The following CRTAC1 variants were observed in gnomAD, a reference collection of about 807,000 sequenced individuals.
CRTAC1 encodes cartilage acidic protein 1.
A neutral mutation model predicts 67.8 loss-of-function variants in CRTAC1; 37 were observed. The observed-to-expected ratio is 0.55, with a 90% confidence interval of 0.42 to 0.72. CRTAC1 has a LOEUF of 0.72. Among genes scored for constraint, CRTAC1 ranks in the 30% least tolerant of loss-of-function variants. The pLI is 0.00. For synonymous variants in CRTAC1, 348 were observed against 371.0 expected (o/e 0.94, Z 0.71); for missense variants, 780 against 931.6 (o/e 0.84, Z 2.12).
chr10:97,884,324 A>G lies in CRTAC1; in HGVS notation c.1514T>C (p.Val505Ala). The G allele has an allele frequency of 6.4e-7, 1 of 1,551,850 alleles. No homozygotes were observed. The highest frequency in any genetic ancestry group is 8.7e-7 in the Non-Finnish European group (1 of 1,147,406). Residue 505 changes from valine to alanine, a missense_variant, in exon 12 of 15, where the codon GTG (valine) becomes GCG (alanine). Coordinates refer to ENST00000370597, the MANE Select transcript of CRTAC1 (RefSeq NM_018058.7). The stretch of plus-strand genomic sequence containing the variant: ...CACCATCTTGCCATCTGGCCACGTC[A>G]CCTCCACACTGCTGGCTTCATCCTT... ...LGKDEASSVE[V>A]TWPDGKMVSR...
At chr10:97,966,999 C>T (rs56672440) in intron 2 of CRTAC1, among the ~76,000 whole-genome samples, 6 of 130,826 alleles carry the variant, frequency 4.6e-5, no homozygotes, top group African/African-American at 1.3e-4. Context: ...AGTCACCCCC[C>T]CCCCCCCGAC....
At chr10:97,929,936 G>A (rs1305558172) in intron 3 of CRTAC1, among the ~76,000 whole-genome samples, 1 of 152,182 alleles carries the variant, frequency 6.6e-6, no homozygotes, top group Non-Finnish European at 1.5e-5. Flanking sequence ...ACTCATTCAG[G>A]CAAAGGACAT....
At chr10:97,928,453 A>C (rs1296097194) in intron 3 of CRTAC1, among the ~76,000 whole-genome samples, 1 of 152,246 alleles carries the variant, frequency 6.6e-6, no homozygotes, top group Non-Finnish European at 1.5e-5. Context: ...CGTCTATAGC[A>C]CTTGCCAGGT....
chr10:97,930,546 C>T (rs866897780), intron 3 of CRTAC1, among the ~76,000 whole-genome samples: 8 of 152,210 alleles, frequency 5.3e-5, no homozygotes, highest in Middle Eastern at 3.2e-3. Flanking sequence ...TGGGGCCTAA[C>T]AGTCTGCATT....
At chr10:98,021,541 C>T (rs777118160) in intron 1 of CRTAC1, among the ~76,000 whole-genome samples, 1 of 152,112 alleles carries the variant, frequency 6.6e-6, no homozygotes, top group Non-Finnish European at 1.5e-5. Context: ...CTCAGACTTC[C>T]CGTTCTGTAA....
intron 3 of CRTAC1, among the ~76,000 whole-genome samples, chr10:97,932,799 T>C (rs2051021970): frequency 1.3e-5 from 2 of 151,780 alleles, no homozygotes; most frequent in Admixed American, 1.3e-4. Context: ...CTAGTGGGAG[T>C]TGAGCTTAAG....
chr10:97,995,858 C>T (rs1842554405), intron 2 of CRTAC1, among the ~76,000 whole-genome samples: 1 of 152,112 alleles, frequency 6.6e-6, no homozygotes, highest in South Asian at 2.1e-4. Flanking sequence ...TACAAATCCT[C>T]TCTGGTAAAA....
rs1040751376 is a variant in CRTAC1, at chr10:98,029,527, G to GGCA, written c.24+919_24+921dup. ...CGGCGGCGGCGGCGGCGGCGGCGGCGGCAGCAGCAGCAATATTCATTAGTC... is the reference window on the plus strand; with the variant it reads ...CGGCGGCGGCGGCGGCGGCGGCGGCGGCAGCAGCAGCAGCAATATTCATTAGTC... On this transcript the variant is annotated intron_variant, in intron 1 of 14. Transcript: ENST00000370597. The surrounding 1 kb of genome is among the most constrained non-coding windows in gnomAD (Gnocchi z 4.7). Among the ~76,000 whole-genome samples, 4 of 131,154 alleles carry GGCA rather than the reference G, an allele frequency of 3.0e-5. No individual in the cohort carries two copies. The highest frequency in any genetic ancestry group is 2.1e-4 in the South Asian group (1 of 4,692). The allele number at this position is 131,154 out of a possible 152,430, so 86.0% of individuals were successfully genotyped here.
Position 98,029,187 on chromosome 10 carries a change from G to A in CRTAC1, c.24+1262C>T, listed in dbSNP as rs1465182269. 6.6e-6 allele frequency among the ~76,000 whole-genome samples: 1 copy of A among 152,142 alleles called. No homozygotes were observed. Among genetic ancestry groups the A allele is most frequent in the Non-Finnish European group, 1.5e-5 (1 of 68,028 alleles). The stretch of plus-strand genomic sequence containing the variant: ...CCCATGGCTGAGGGTGAGGTACTCT[G>A]TGACTCTCAATGAGCTCTAATTCAG... On this transcript the variant is annotated intron_variant, in intron 1 of 14. Transcript: ENST00000370597. This position sits in a 1 kb window ranked among gnomAD's most constrained non-coding sequence, Gnocchi z 4.7.
At chr10:97,915,550 C>A (rs990934897) in intron 5 of CRTAC1, among the ~76,000 whole-genome samples, 4 of 152,138 alleles carry the variant, frequency 2.6e-5, no homozygotes, top group Non-Finnish European at 5.9e-5. Flanking sequence ...GAGCGCTGGC[C>A]ACGCGCCCAA....
intron 2 of CRTAC1, among the ~76,000 whole-genome samples, chr10:97,957,646 C>T (rs541295370): frequency 2.6e-5 from 4 of 152,244 alleles, no homozygotes; most frequent in African/African-American, 9.6e-5. Context: ...TTTCTTCTTG[C>T]CTTTCAGCTG....
At chr10:97,992,494 C>T (rs1260369721) in intron 2 of CRTAC1, among the ~76,000 whole-genome samples, 2 of 152,160 alleles carry the variant, frequency 1.3e-5, no homozygotes, top group Non-Finnish European at 2.9e-5. Context: ...ATCTGCACTC[C>T]CATGTTCATT....
chr10:97,994,400 C>A (rs1015121629), intron 2 of CRTAC1, among the ~76,000 whole-genome samples: 1 of 152,118 alleles, frequency 6.6e-6, no homozygotes, highest in African/African-American at 2.4e-5. Flanking sequence ...TACAAATGGG[C>A]TTCTCTTGTC....
At chr10:97,971,677 T>C (rs1036832562) in intron 2 of CRTAC1, among the ~76,000 whole-genome samples, 3 of 152,236 alleles carry the variant, frequency 2.0e-5, no homozygotes, top group African/African-American at 7.2e-5. Flanking sequence ...ATGCATAGTT[T>C]ACCACAATTT....
At chr10:97,974,220 G>A (rs1179110124) in intron 2 of CRTAC1, among the ~76,000 whole-genome samples, 2 of 152,296 alleles carry the variant, frequency 1.3e-5, no homozygotes, top group African/African-American at 2.4e-5. Flanking sequence ...AAGAGAAGAC[G>A]GGTGGGAGAC....
chr10:97,948,306 T>C (rs372933002), intron 2 of CRTAC1, among the ~76,000 whole-genome samples: 1 of 152,166 alleles, frequency 6.6e-6, no homozygotes, highest in Non-Finnish European at 1.5e-5. Flanking sequence ...GCAAGTGTAT[T>C]TGGCAATTTG....
chr10:97,905,309 A>G (rs2050596872), intron 6 of CRTAC1, among the ~76,000 whole-genome samples: 1 of 151,642 alleles, frequency 6.6e-6, no homozygotes, highest in South Asian at 2.1e-4. Flanking sequence ...ATCTGGTCCC[A>G]CTCTCCCCAT....
chr10:97,917,569 T>C lies in CRTAC1; in HGVS notation c.646A>G (p.Ser216Gly), dbSNP rs1230686055. ...GCCAGAATGCCCCGGGAGAGGTCAC[T>C]GGCCTCAGGGTCCATTTCAATGAGG... ...DALIEMDPEA[S>G]DLSRGILALR... Residue 216 changes from serine to glycine, a missense_variant, in exon 5 of 15, where the codon AGT becomes GGT. By Grantham distance (56) the Ser-to-Gly change is moderately conservative (BLOSUM62 0). Transcript: ENST00000370597. 3 of 1,603,938 alleles carry C rather than the reference T, an allele frequency of 1.9e-6. No individual in the cohort carries two copies. The highest frequency in any genetic ancestry group is 2.6e-6 in the Non-Finnish European group (3 of 1,174,532).
At chr10:97,977,733 T>C (rs2051830321) in intron 2 of CRTAC1, among the ~76,000 whole-genome samples, 1 of 152,100 alleles carries the variant, frequency 6.6e-6, no homozygotes, top group Admixed American at 6.5e-5. Context: ...CTTTATGGAG[T>C]TGGTTTTTGC....
Sources: allele counts gnomAD v4.1 joint callset (sites outside exome capture counted in the v4.1 genomes callset), GRCh38; gene constraint gnomAD v4.1.1; non-coding constraint Gnocchi (gnomAD v3.1); transcripts MANE v1.5; gene names NCBI Gene and HGNC (gene_info 2026-07-23, HGNC 2026-07-21).